The following PTPN3 variants were observed in gnomAD, a reference collection of about 807,000 sequenced individuals.
PTPN3 encodes the protein tyrosine-protein phosphatase non-receptor type 3.
Under a neutral mutation model 132.7 loss-of-function variants are expected in PTPN3, and 96 were observed. That is an observed-to-expected ratio of 0.72 (90% confidence interval 0.61 to 0.86). The LOEUF (loss-of-function observed/expected upper bound fraction) is 0.86. Among genes scored for constraint, PTPN3 ranks in the 40% least tolerant of loss-of-function variants. The probability of loss-of-function intolerance (pLI) is 0.00; values close to 1 mark genes in which losing one functional copy is unlikely to be tolerated. For missense variants in PTPN3, 1,125 were observed against 1,159.6 expected (o/e 0.97, Z 0.43); for synonymous variants, 398 against 429.0 (o/e 0.93, Z 0.89).
At chr9:109,476,569 T>C (rs1458003413) in intron 1 of PTPN3, among the ~76,000 whole-genome samples, 2 of 152,222 alleles carry the variant, frequency 1.3e-5, no homozygotes, top group Non-Finnish European at 2.9e-5. Flanking sequence ...GGTCCGTGAC[T>C]GGACCAAGAA....
intron 19 of PTPN3, among the ~76,000 whole-genome samples, chr9:109,397,174 G>A (rs1002509510): frequency 4.6e-5 from 7 of 152,196 alleles, no homozygotes; most frequent in Admixed American, 1.3e-4. Flanking sequence ...ACCCAGAGTC[G>A]ACTCCAAGGA....
At chr9:109,415,093 T>A (rs368537467) in intron 14 of PTPN3, among the ~76,000 whole-genome samples, 8 of 145,974 alleles carry the variant, frequency 5.5e-5, no homozygotes, top group South Asian at 2.3e-4. Flanking sequence ...CATCCATCCA[T>A]CCATCCATCC....
At chr9:109,486,781 GGAGGTAACTGAATCATGGGGGCA>G (rs1847232909) in intron 1 of PTPN3, among the ~76,000 whole-genome samples, 1 of 152,096 alleles carries the variant, frequency 6.6e-6, no homozygotes, top group Admixed American at 6.5e-5. Flanking sequence ...GGAACAGGTG[GGAGGTAACTGAATCATGGGGGCA>G]GTTACCCCCA....
intron 1 of PTPN3, among the ~76,000 whole-genome samples, chr9:109,492,816 T>C (rs977472751): frequency 2.0e-5 from 3 of 152,230 alleles, no homozygotes; most frequent in Non-Finnish European, 4.4e-5. Flanking sequence ...GCTGTGACCC[T>C]AAGACTAGTT....
Position 109,406,607 on chromosome 9 carries a change from G to A in PTPN3, c.1647C>T (p.Cys549=). Residue 549 remains cysteine, a synonymous_variant, in exon 18 of 26, where the codon TGC becomes TGT. Transcript: ENST00000374541. ...RINPESPADT[C]IPKLNEGDQI... Reference sequence around the variant, plus strand: ...GATCCCCTTCGTTCAGCTTAGGAATGCAGGTGTCCGCCTGGGTGGTGGGGA... The same window carrying A: ...GATCCCCTTCGTTCAGCTTAGGAATACAGGTGTCCGCCTGGGTGGTGGGGA... The A allele has an allele frequency of 1.9e-6, 3 of 1,614,100 alleles. No individual in the cohort carries two copies. The highest frequency in any genetic ancestry group is 2.5e-6 in the Non-Finnish European group (3 of 1,179,950).
intron 21 of PTPN3, among the ~76,000 whole-genome samples, chr9:109,390,051 C>T (rs149314395): frequency 2.0e-5 from 3 of 152,190 alleles, no homozygotes; most frequent in Non-Finnish European, 4.4e-5. Flanking sequence ...TAAAGGAAGG[C>T]TTCTAATTCA....
At chr9:109,519,248 C>A in the PTPN3 span, among the ~76,000 whole-genome samples, 4 of 152,152 alleles carry the variant, frequency 2.6e-5, no homozygotes, top group Admixed American at 2.0e-4. Context: ...GGTGTGAAAG[C>A]AATACACATT....
chr9:109,532,820 AAGTCGG>A, the PTPN3 span: 5 of 831,518 alleles, frequency 6.0e-6, no homozygotes, highest in Non-Finnish European at 8.2e-6. Flanking sequence ...TAGAGATGAT[AAGTCGG>A]AATTTACTCA....
At chr9:109,499,082 C>T (rs117305170), upstream of PTPN3, among the ~76,000 whole-genome samples, 2,457 of 148,394 alleles carry the variant, frequency 0.017, 40 homozygotes, top group Non-Finnish European at 0.023. Flanking sequence ...TCTGGTTTTT[C>T]TCGCGTGGGG....
intron 15 of PTPN3, 21 bp downstream of exon 15, chr9:109,410,208 C>CGGCT (rs1564406509): frequency 6.2e-7 from 1 of 1,611,670 alleles, no homozygotes; most frequent in South Asian, 1.1e-5. Flanking sequence ...GTGGATCACC[C>CGGCT]GGCTGCCTGC....
At chr9:109,454,719 A>G (rs894718933) in intron 4 of PTPN3, 145 bp from the exon 5 acceptor site, 12 of 635,370 alleles carry the variant, frequency 1.9e-5, no homozygotes, top group Middle Eastern at 3.7e-4. Flanking sequence ...CATGGAGTAC[A>G]TAAGTTAGTT....
chr9:109,468,355 T>C (rs891196372), intron 1 of PTPN3, among the ~76,000 whole-genome samples: 1 of 149,136 alleles, frequency 6.7e-6, no homozygotes, highest in African/African-American at 2.5e-5. Context: ...TGGATACAGT[T>C]TTTTTTTTTG....
chr9:109,526,482 G>A, the PTPN3 span, among the ~76,000 whole-genome samples: 1 of 151,968 alleles, frequency 6.6e-6, no homozygotes. Context: ...AGATCAGCCT[G>A]GGCAACAAAG....
chr9:109,422,668 T>TA, intron 13 of PTPN3, 50 bp downstream of exon 13: 1 of 1,497,056 alleles, frequency 6.7e-7, no homozygotes, highest in Non-Finnish European at 9.0e-7. Context: ...TTAAAAGAGA[T>TA]AAAGTGTCTA....
intron 14 of PTPN3, among the ~76,000 whole-genome samples, chr9:109,419,413 TA>T (rs1842743086): frequency 6.6e-6 from 1 of 152,190 alleles, no homozygotes; most frequent in Admixed American, 6.5e-5. Context: ...CCTCAGCTGT[TA>T]GGGGGGCCAT....
chr9:109,417,161 G>C (rs1253253347), intron 14 of PTPN3, among the ~76,000 whole-genome samples: 1 of 152,146 alleles, frequency 6.6e-6, no homozygotes. Context: ...CAGCCTACTT[G>C]GGCACAAAGC....
the PTPN3 span, among the ~76,000 whole-genome samples, chr9:109,535,839 T>C: frequency 6.6e-6 from 1 of 152,142 alleles, no homozygotes; most frequent in Admixed American, 6.5e-5. Flanking sequence ...TGCTTCCTCT[T>C]TTTCTTTCTT....
At chr9:109,401,001 C>T (rs1323816092) in intron 19 of PTPN3, among the ~76,000 whole-genome samples, 1 of 152,200 alleles carries the variant, frequency 6.6e-6, no homozygotes, top group Non-Finnish European at 1.5e-5. Context: ...GAGGACCCTA[C>T]TGGTTCCATC....
chr9:109,510,421 G>C, the PTPN3 span, among the ~76,000 whole-genome samples: 1 of 151,592 alleles, frequency 6.6e-6, no homozygotes, highest in Non-Finnish European at 1.5e-5. Flanking sequence ...AGCCAGGTGT[G>C]GTGGTGCATG....
Sources: gnomAD v4.1 joint callset for allele counts (sites outside exome capture counted in the v4.1 genomes callset) on GRCh38, gnomAD v4.1.1 for gene constraint, MANE v1.5 for transcripts, NCBI Gene and HGNC (gene_info 2026-07-23, HGNC 2026-07-21) for gene names.